STARD7: variants seen among roughly 807,000 people sequenced by gnomAD.
The protein encoded by STARD7 is StAR related lipid transfer domain containing 7.
A neutral mutation model predicts 45.3 loss-of-function variants in STARD7; 30 were observed. That is an observed-to-expected ratio of 0.66 (90% CI 0.50 to 0.90). The LOEUF is 0.90. STARD7 is among the 40% of genes least tolerant of loss of function. The pLI, the probability that STARD7 is intolerant of heterozygous loss-of-function variation, is 0.00. For missense variants in STARD7, 495 were observed against 491.3 expected, an observed-to-expected ratio of 1.01 and a Z score of -0.07; for synonymous variants, 199 against 183.0, an observed-to-expected ratio of 1.09 and a Z score of -0.70.
At chr2:96,195,201 TG>T in intron 2 of STARD7, 139 bp downstream of exon 2, 1 of 854,126 alleles carries the variant, frequency 1.2e-6, no homozygotes, top group Non-Finnish European at 1.8e-6. Flanking sequence ...ATTTGTCATC[TG>T]GGAGAAGAAA....
intron 1 of STARD7, among the ~76,000 whole-genome samples, chr2:96,197,551 T>G (rs1683241400): frequency 6.6e-6 from 1 of 152,260 alleles, no homozygotes; most frequent in South Asian, 2.1e-4. Flanking sequence ...ATTATAAGTA[T>G]GTATGTATTT....
At chr2:96,196,001 T>C (rs1683198497) in intron 1 of STARD7, among the ~76,000 whole-genome samples, 2 of 150,870 alleles carry the variant, frequency 1.3e-5, no homozygotes, top group African/African-American at 4.9e-5. Context: ...TAATCCCAGC[T>C]ACTCAGGAGG....
chr2:96,200,563 T>C (rs1004699533), intron 1 of STARD7, among the ~76,000 whole-genome samples: 3 of 152,234 alleles, frequency 2.0e-5, no homozygotes, highest in Non-Finnish European at 4.4e-5. Context: ...AGTATACTTG[T>C]AATATCTTAT....
intron 1 of STARD7, among the ~76,000 whole-genome samples, chr2:96,203,233 A>G (rs911898711): frequency 5.9e-5 from 9 of 152,216 alleles, no homozygotes; most frequent in South Asian, 2.1e-4. Flanking sequence ...GCTGTGCCCA[A>G]TCTTGTTTGG....
chr2:96,193,699 A>C (rs1048253517), intron 3 of STARD7, among the ~76,000 whole-genome samples: 4 of 152,262 alleles, frequency 2.6e-5, no homozygotes, highest in Non-Finnish European at 5.9e-5. Flanking sequence ...AACAACAAAA[A>C]GTCCAAAAGT....
Position 96,195,545 on chromosome 2 carries a change from T to C in STARD7, c.295A>G (p.Ile99Val), listed in dbSNP as rs970065647. ...TCTTCCAACCGCTTCATCTCATTAA[T>C]AGATCTGTAAAGGGGAAAAAGAGCC... ...RIQEEELQRS[I>V]NEMKRLEEMS... The change falls in exon 2 of 8, where the codon ATT (isoleucine) becomes GTT (valine). Residue 99 changes from isoleucine to valine, a missense_variant. This residue lies in a region of STARD7 where 282 missense variants were observed against 220.1 expected (regional missense o/e 1.28). Coordinates refer to ENST00000337288, the MANE Select transcript of STARD7 (RefSeq NM_020151.4). The C allele has an allele frequency of 2.0e-5, 32 of 1,612,112 alleles. No individual in the cohort carries two copies. The highest frequency in any genetic ancestry group is 1.7e-4 in the Admixed American group (10 of 59,830).
intron 1 of STARD7, among the ~76,000 whole-genome samples, chr2:96,201,776 T>C (rs1207681082): frequency 6.6e-6 from 1 of 152,118 alleles, no homozygotes; most frequent in Admixed American, 6.6e-5. Context: ...CCAGCCTGGG[T>C]GAGAGTGAAA....
chr2:96,188,869 G>A (rs540662057), intron 6 of STARD7, among the ~76,000 whole-genome samples: 19 of 152,004 alleles, frequency 1.2e-4, no homozygotes, highest in African/African-American at 4.6e-4. Flanking sequence ...ACTCCAGCCT[G>A]GGCAACAAGA....
chr2:96,194,289 G>A (rs1256627939), intron 3 of STARD7, among the ~76,000 whole-genome samples: 2 of 151,954 alleles, frequency 1.3e-5, no homozygotes, highest in African/African-American at 2.4e-5. Flanking sequence ...GGAAACAAAG[G>A]CTGCAGCAAG....
chr2:96,206,525 G>A (rs1212850384), intron 1 of STARD7, among the ~76,000 whole-genome samples: 1 of 151,936 alleles, frequency 6.6e-6, no homozygotes, highest in Admixed American at 6.6e-5. Context: ...ACACGGCCGG[G>A]CGCGGTGGCT....
chr2:96,191,560 G>A (rs144240014), intron 6 of STARD7, among the ~76,000 whole-genome samples: 5 of 151,768 alleles, frequency 3.3e-5, no homozygotes, highest in African/African-American at 1.2e-4. Context: ...GAGTCTCTCA[G>A]TGCATACCTG....
Position 96,208,260 on chromosome 2 carries a change from C to G in STARD7, c.175G>C (p.Gly59Arg), listed in dbSNP as rs1436909374. Residue 59 changes from glycine to arginine, a missense_variant, in exon 1 of 8, where the codon GGC becomes CGC. This residue lies in a region of STARD7 where 282 missense variants were observed against 220.1 expected (regional missense o/e 1.28). Transcript: ENST00000337288. ...YSESSRRVLLGRLWRRLHGRP... is the reference protein window; with the variant it reads ...YSESSRRVLLRRLWRRLHGRP... ...CCGTGCAGCCGGCGCCAGAGGCGGC[C>G]GAGGAGAACGCGGCGTGAGCTCTCG... The G allele has an allele frequency of 1.2e-6, 2 of 1,611,856 alleles. No individual in the cohort carries two copies. Among genetic ancestry groups the G allele is most frequent in the Non-Finnish European group, 1.7e-6 (2 of 1,179,440 alleles).
intron 6 of STARD7, 56 bp from the exon 7 acceptor site, chr2:96,187,357 A>C: frequency 1.9e-6 from 2 of 1,054,106 alleles, no homozygotes; most frequent in Non-Finnish European, 3.0e-6. Flanking sequence ...CACAACCTCC[A>C]TATCCAGTAC....
rs1336072052 is a variant in STARD7, at chr2:96,192,276, C to T, written c.843+93G>A. The stretch of plus-strand genomic sequence containing the variant: ...CTCCCCCGAGCGAGAACTGTTCCTG[C>T]GCCACACCCCCTCCTCCCTAGTTCA... On this transcript the variant is annotated intron_variant, in intron 6 of 7. Transcript: ENST00000337288. The T allele has an allele frequency of 1.9e-5, 19 of 1,019,106 alleles. No individual in the cohort carries two copies. In the Middle Eastern group the frequency reaches 7.1e-4, roughly 38 times the overall value. 63.1% of individuals were successfully genotyped at this position (1,019,106 alleles called of 1,614,324 possible).
intron 1 of STARD7, among the ~76,000 whole-genome samples, chr2:96,200,815 T>A (rs976499118): frequency 1.3e-5 from 2 of 152,122 alleles, no homozygotes; most frequent in Admixed American, 1.3e-4. Flanking sequence ...CATACCCAGC[T>A]TCTCCGTGCC....
At chr2:96,207,023 A>G (rs1434614133) in intron 1 of STARD7, among the ~76,000 whole-genome samples, 3 of 152,182 alleles carry the variant, frequency 2.0e-5, no homozygotes, top group African/African-American at 7.2e-5. Flanking sequence ...TTTTTTGTGA[A>G]TAAGGTTGTT....
At chr2:96,196,003 C>T (rs903806052) in intron 1 of STARD7, among the ~76,000 whole-genome samples, 2 of 151,430 alleles carry the variant, frequency 1.3e-5, no homozygotes, top group African/African-American at 4.9e-5. Context: ...ATCCCAGCTA[C>T]TCAGGAGGCT....
At chr2:96,197,094 A>C (rs149347153) in intron 1 of STARD7, among the ~76,000 whole-genome samples, 3,939 of 139,590 alleles carry the variant, frequency 0.028, 168 homozygotes, top group South Asian at 0.04. Context: ...AATAAAATAA[A>C]ATAAAATAAA....
intron 3 of STARD7, among the ~76,000 whole-genome samples, chr2:96,194,212 A>ATTTTTTT (rs1683168953): frequency 6.6e-6 from 1 of 152,174 alleles, no homozygotes; most frequent in East Asian, 1.9e-4. Flanking sequence ...AAAAATTTTA[A>ATTTTTTT]TTAGCCAAGT....
Sources: gnomAD v4.1 joint callset for allele counts (sites outside exome capture counted in the v4.1 genomes callset) on GRCh38, gnomAD v4.1.1 for gene constraint, gnomAD v4.1.1 regional missense constraint, MANE v1.5 for transcripts, NCBI Gene and HGNC (gene_info 2026-07-23, HGNC 2026-07-21) for gene names.